Variants in MACROD2 observed in about 807,000 individuals in gnomAD.
MACROD2 encodes mono-ADP ribosylhydrolase 2.
In MACROD2, 36 loss-of-function variants were observed where a neutral mutation model predicts 70.4. That is an observed-to-expected ratio of 0.51 (90% CI 0.39 to 0.68). The LOEUF (loss-of-function observed/expected upper bound fraction) is 0.68. Ranked by LOEUF, MACROD2 falls within the 30% of genes least tolerant of loss-of-function variation. The probability of loss-of-function intolerance (pLI) is 0.00; values close to 1 mark genes in which losing one functional copy is unlikely to be tolerated. For synonymous variants in MACROD2, 172 were observed against 178.8 expected (o/e 0.96, Z 0.30); for missense variants, 496 against 538.4 (o/e 0.92, Z 0.78).
At chr20:14,889,332 T>A (rs2073721832) in intron 5 of MACROD2, among the ~76,000 whole-genome samples, 1 of 151,990 alleles carries the variant, frequency 6.6e-6, no homozygotes, top group Non-Finnish European at 1.5e-5. Flanking sequence ...TAGGGGCAGG[T>A]GATGCATGCA....
chr20:14,167,721 CA>C (rs1342166823), intron 3 of MACROD2, among the ~76,000 whole-genome samples: 1 of 152,058 alleles, frequency 6.6e-6, no homozygotes, highest in Non-Finnish European at 1.5e-5. Context: ...AGTAAAACCT[CA>C]AAAGACCCAT....
chr20:15,761,719 C>G lies in MACROD2; in HGVS notation c.646-101026C>G, dbSNP rs941325365. On this transcript the variant is annotated intron_variant, in intron 8 of 17. Coordinates refer to ENST00000684519, the MANE Select transcript of MACROD2 (RefSeq NM_001351661.2). The stretch of plus-strand genomic sequence containing the variant: ...AATCCAGAAAAGCTAGAGCGCTTTT[C>G]CCCAAAATATGTACCAGTCTCGGCC... 4.5e-4 allele frequency among the ~76,000 whole-genome samples: 69 copies of G among 152,278 alleles called. 1 individual carries two copies. Among genetic ancestry groups the G allele is most frequent in the African/African-American group, 1.6e-3 (65 of 41,554 alleles).
At position 13,995,892 on chromosome 20, in the gene MACROD2, C is replaced by T. The variant is rs557330954; in HGVS notation, c.46+83C>T. ...GGTCAGGCTGTGTGTGCCGCGGCGC[C>T]CTCCGCCCGAGCTCCCGCCTCGCGC... On this transcript the variant is annotated intron_variant, in intron 1 of 17. Coordinates refer to ENST00000684519, the MANE Select transcript of MACROD2 (RefSeq NM_001351661.2). The surrounding 1 kb of genome is among the most constrained non-coding windows in gnomAD (Gnocchi z 4.3). 6 of 1,491,018 alleles carry T rather than the reference C, an allele frequency of 4.0e-6. No individual in the cohort carries two copies. In the Admixed American group the frequency reaches 7.9e-5, roughly 20 times the overall value. The allele number at this position is 1,491,018 out of a possible 1,614,324, so 92.4% of individuals were successfully genotyped here.
chr20:14,277,341 G>A lies in MACROD2; in HGVS notation c.271+191613G>A, dbSNP rs527745102. Among the ~76,000 whole-genome samples the A allele has an allele frequency of 4.6e-5, 7 of 152,246 alleles. No individual in the cohort carries two copies. In the East Asian group the frequency reaches 1.4e-3, roughly 29 times the overall value. ...CACGCACCTGTAGTCCCAGCTACTC[G>A]GGAGGCTGAGGCAGTTGAGAATCGC... On this transcript the variant is annotated intron_variant, in intron 3 of 17. Transcript: ENST00000684519.
rs528791168 is a variant in MACROD2, at chr20:15,692,727, C to T, written c.646-170018C>T. Among the ~76,000 whole-genome samples, 49 of 152,258 alleles carry T rather than the reference C, an allele frequency of 3.2e-4. 1 individual carries two copies. The highest frequency in any genetic ancestry group is 5.6e-4 in the Non-Finnish European group (38 of 68,034). On this transcript the variant is annotated intron_variant, in intron 8 of 17. Coordinates refer to ENST00000684519, the MANE Select transcript of MACROD2 (RefSeq NM_001351661.2). ...ATAGTAATATGATTCACTTATGACT[C>T]AGCAGACATTACACTTCATACTTGA... is the stretch of plus-strand genomic sequence containing the variant.
chr20:14,760,242 G>T (rs557865113), intron 5 of MACROD2, among the ~76,000 whole-genome samples: 2 of 152,032 alleles, frequency 1.3e-5, no homozygotes, highest in Non-Finnish European at 2.9e-5. Flanking sequence ...GAGGGATCCC[G>T]CGTAGATGGC....
At chr20:15,101,765 T>C (rs1250409618) in intron 5 of MACROD2, among the ~76,000 whole-genome samples, 1 of 152,010 alleles carries the variant, frequency 6.6e-6, no homozygotes, top group Non-Finnish European at 1.5e-5. Context: ...TTTATAATCT[T>C]AGAAGATTAT....
In MACROD2 at chr20:15,021,240, C is replaced by CTGTACACACG. The variant is rs1568534904; in HGVS notation, c.419-208697_419-208696insACACACGTGT. On this transcript the variant is annotated intron_variant, in intron 5 of 17. Transcript: ENST00000684519. ...CATACAGGTGTGCGTATACACACACCTGTGTGTATGTATACACACACCTGT... is the reference window on the plus strand; with the variant it reads ...CATACAGGTGTGCGTATACACACACCTGTACACACGTGTGTGTATGTATACACACACCTGT... 1.1e-4 allele frequency among the ~76,000 whole-genome samples: 7 copies of CTGTACACACG among 62,716 alleles called. 1 individual carries two copies. The East Asian group carries it at 4.4e-3, about 40-fold the overall frequency. The allele number at this position is 62,716 out of a possible 152,430, so 41.1% of individuals were successfully genotyped here.
chr20:15,736,027 C>G (rs1019424548), intron 8 of MACROD2, among the ~76,000 whole-genome samples: 1 of 152,204 alleles, frequency 6.6e-6, no homozygotes, highest in East Asian at 1.9e-4. Flanking sequence ...GGCTTGGGCC[C>G]TAGCATATCT....
At chr20:15,046,410 T>C (rs1212811047) in intron 5 of MACROD2, among the ~76,000 whole-genome samples, 2 of 152,186 alleles carry the variant, frequency 1.3e-5, no homozygotes. Flanking sequence ...AGATTTACCA[T>C]GACCAAGATT....
intron 3 of MACROD2, among the ~76,000 whole-genome samples, chr20:14,230,631 T>TATATATATATATATATATATATA (rs1569217269): frequency 2.1e-5 from 2 of 94,256 alleles, no homozygotes; most frequent in African/African-American, 1.1e-4. Flanking sequence ...TCATTCATGT[T>TATATATATATATATATATATATA]TATATATATA....
chr20:14,985,857 T>C (rs1426713554), intron 5 of MACROD2, among the ~76,000 whole-genome samples: 1 of 152,092 alleles, frequency 6.6e-6, no homozygotes, highest in Non-Finnish European at 1.5e-5. Context: ...CAGAATGGTC[T>C]CAAACTCCTG....
At chr20:15,862,004 T>C (rs976065546) in intron 8 of MACROD2, among the ~76,000 whole-genome samples, 4 of 152,230 alleles carry the variant, frequency 2.6e-5, no homozygotes, top group African/African-American at 9.6e-5. Flanking sequence ...TGAGCTATTA[T>C]GTATACTCCG....
intron 8 of MACROD2, among the ~76,000 whole-genome samples, chr20:15,672,308 A>G (rs932699784): frequency 6.6e-6 from 1 of 151,652 alleles, no homozygotes; most frequent in African/African-American, 2.4e-5. Flanking sequence ...TAGTAATGCT[A>G]GTTAAGCATG....
intron 2 of MACROD2, among the ~76,000 whole-genome samples, chr20:14,012,142 A>G (rs1316237115): frequency 2.6e-5 from 4 of 151,660 alleles, no homozygotes; most frequent in African/African-American, 9.7e-5. Context: ...CCTGGCCTCA[A>G]GTGATCCACC....
At chr20:15,379,317 T>C (rs2045609072) in intron 6 of MACROD2, among the ~76,000 whole-genome samples, 1 of 151,818 alleles carries the variant, frequency 6.6e-6, no homozygotes, top group African/African-American at 2.4e-5. Context: ...TAAAGGACAT[T>C]CTATAAAATT....
In MACROD2 at chr20:14,494,029, A is replaced by G. The variant is rs1350614621; in HGVS notation, c.301+521A>G. 4 of 152,236 alleles carry G rather than the reference A, an allele frequency of 2.6e-5. No homozygotes were observed. In the East Asian group the frequency reaches 7.7e-4, roughly 29 times the overall value. 9.4% of individuals were successfully genotyped at this position (152,236 alleles called of 1,614,324 possible). ...TTCTTTCTGCTCAGTTAGAGGAGAA[A>G]GAGAAGGAGATCAAAGTGAGCTGAG... On this transcript the variant is annotated intron_variant, in intron 4 of 17. Transcript: ENST00000684519.
chr20:15,272,266 A>G (rs967774332), intron 6 of MACROD2, among the ~76,000 whole-genome samples: 2 of 152,338 alleles, frequency 1.3e-5, no homozygotes, highest in East Asian at 1.9e-4. Context: ...GCATTTTATG[A>G]TTCTTTGTAT....
intron 5 of MACROD2, among the ~76,000 whole-genome samples, chr20:15,145,228 T>C (rs2076221860): frequency 6.6e-6 from 1 of 152,166 alleles, no homozygotes; most frequent in South Asian, 2.1e-4. Context: ...CTCATACTGA[T>C]TTGGTGGTGA....
Sources: gnomAD v4.1 joint callset for allele counts (sites outside exome capture counted in the v4.1 genomes callset) on GRCh38, gnomAD v4.1.1 for gene constraint, Gnocchi (gnomAD v3.1) non-coding constraint, MANE v1.5 for transcripts, NCBI Gene and HGNC (gene_info 2026-07-23, HGNC 2026-07-21) for gene names.